CACNA1E: variants seen among roughly 807,000 people sequenced by gnomAD.
The protein encoded by CACNA1E is voltage-dependent R-type calcium channel subunit alpha-1E.
Under a neutral mutation model 259.2 loss-of-function variants are expected in CACNA1E, and 40 were observed. The observed-to-expected ratio is 0.15, with a 90% CI of 0.12 to 0.20. The LOEUF (loss-of-function observed/expected upper bound fraction) is 0.20, where lower values mean the gene tolerates loss of function less well. Among genes scored for constraint, CACNA1E ranks in the 10% least tolerant of loss-of-function variants. The pLI, the probability that CACNA1E is intolerant of heterozygous loss-of-function variation, is 1.00. For synonymous variants in CACNA1E, 1,104 were observed against 1,138.5 expected (o/e 0.97, Z 0.61); for missense variants, 1,874 against 3,040.1 (o/e 0.62, Z 9.02).
chr1:181,510,455 T>G (rs1216605346), intron 1 of CACNA1E, 22 bp from the exon 2 acceptor site: 1 of 1,566,526 alleles, frequency 6.4e-7, no homozygotes, highest in Non-Finnish European at 8.8e-7. Context: ...GGTGAATTTG[T>G]TCCTTAACTC....
At chr1:181,581,744 AG>A (rs1651567122) in intron 6 of CACNA1E, among the ~76,000 whole-genome samples, 1 of 152,190 alleles carries the variant, frequency 6.6e-6, no homozygotes, top group African/African-American at 2.4e-5. Context: ...CAGTTTGGGC[AG>A]GTGCTTTTGA....
intron 1 of CACNA1E, among the ~76,000 whole-genome samples, chr1:181,500,980 T>C (rs1665199330): frequency 6.6e-6 from 1 of 152,352 alleles, no homozygotes; most frequent in South Asian, 2.1e-4. Flanking sequence ...TTCCCTGAAA[T>C]GCACGTTGCT....
intron 3 of CACNA1E, among the ~76,000 whole-genome samples, chr1:181,521,237 C>T (rs987834277): frequency 1.3e-5 from 2 of 152,296 alleles, no homozygotes; most frequent in Non-Finnish European, 2.9e-5. Flanking sequence ...ATTTACATCA[C>T]TGTGGGGGTC....
intron 1 of CACNA1E, among the ~76,000 whole-genome samples, chr1:181,392,967 G>A (rs1035226799): frequency 1.3e-5 from 2 of 152,230 alleles, no homozygotes; most frequent in Non-Finnish European, 2.9e-5. Context: ...CTTCAGGGAG[G>A]TAAGAATGAG....
chr1:181,680,506 CTG>C (rs999035520), intron 7 of CACNA1E, among the ~76,000 whole-genome samples: 3 of 152,206 alleles, frequency 2.0e-5, no homozygotes, highest in African/African-American at 7.2e-5. Flanking sequence ...AAGTCAAGAA[CTG>C]TGTGTTCCAC....
chr1:181,570,836 C>G (rs1168591454), intron 3 of CACNA1E, among the ~76,000 whole-genome samples: 1 of 152,228 alleles, frequency 6.6e-6, no homozygotes, highest in East Asian at 1.9e-4. Flanking sequence ...GATCCTTAAT[C>G]CCATCTGCAA....
intron 2 of CACNA1E, among the ~76,000 whole-genome samples, chr1:181,432,219 A>G (rs1381646015): frequency 6.6e-6 from 1 of 152,302 alleles, no homozygotes; most frequent in East Asian, 1.9e-4. Context: ...GGTGGGATCT[A>G]GTTTAATTTT....
intron 2 of CACNA1E, among the ~76,000 whole-genome samples, chr1:181,473,099 T>C (rs867959190): frequency 3.9e-5 from 6 of 152,200 alleles, no homozygotes; most frequent in East Asian, 1.9e-4. Flanking sequence ...GTGCTACCCT[T>C]TGATTTGCTG....
chr1:181,677,572 C>T (rs985328416), intron 7 of CACNA1E, among the ~76,000 whole-genome samples: 3 of 152,142 alleles, frequency 2.0e-5, no homozygotes, highest in African/African-American at 7.2e-5. Context: ...TTCCTGATCA[C>T]CAAACACAGG....
chr1:181,430,190 C>T (rs553038775), intron 2 of CACNA1E, among the ~76,000 whole-genome samples: 111 of 152,292 alleles, frequency 7.3e-4, no homozygotes, highest in African/African-American at 1.9e-3. Context: ...TACCAATGCA[C>T]CACAATGTAG....
chr1:181,773,170 A>G (rs1417271775), intron 37 of CACNA1E, among the ~76,000 whole-genome samples: 1 of 152,220 alleles, frequency 6.6e-6, no homozygotes, highest in Non-Finnish European at 1.5e-5. Context: ...CTACCTTGCA[A>G]GTGATCCCAA....
chr1:181,448,560 C>T (rs967441997), intron 2 of CACNA1E, among the ~76,000 whole-genome samples: 1 of 152,172 alleles, frequency 6.6e-6, no homozygotes, highest in Non-Finnish European at 1.5e-5. Context: ...CCTCCAGGTT[C>T]GTTATAGTCT....
At chr1:181,747,182 C>T (rs757854001) in intron 25 of CACNA1E, among the ~76,000 whole-genome samples, 4 of 152,292 alleles carry the variant, frequency 2.6e-5, no homozygotes, top group East Asian at 3.9e-4. Context: ...AGCTATTCCC[C>T]GCTCATGGGG....
intron 7 of CACNA1E, among the ~76,000 whole-genome samples, chr1:181,674,223 CAAA>C (rs58198967): frequency 0.013 from 1,192 of 88,418 alleles, 19 homozygotes; most frequent in African/African-American, 0.043. Flanking sequence ...ACTAAAAATA[CAAA>C]AAAAAAAAAA....
chr1:181,755,116 T>C, intron 27 of CACNA1E, 121 bp from the exon 28 acceptor site: 2 of 707,410 alleles, frequency 2.8e-6, no homozygotes. Flanking sequence ...TAGCAGGAAA[T>C]TCTCTCCTGG....
intron 1 of CACNA1E, among the ~76,000 whole-genome samples, chr1:181,327,025 C>T (rs1308955438): frequency 6.6e-6 from 1 of 152,170 alleles, no homozygotes; most frequent in African/African-American, 2.4e-5. Flanking sequence ...CCCTTGGCAT[C>T]CCATGCTTAC....
rs59778354 is a variant in CACNA1E at position 181,724,183 on chromosome 1, C to T, written c.2075-287C>T. 0.11 allele frequency among the ~76,000 whole-genome samples: 16,680 copies of T among 152,200 alleles called. 984 individuals are homozygous for T. The highest frequency in any genetic ancestry group is 0.16 in the Admixed American group (2,488 of 15,290). On this transcript the variant is annotated intron_variant, in intron 16 of 47. Transcript: ENST00000367573. ...ACCAAATAATAATTTTTCACAGTAT[C>T]GTAATTTTCCTCACCCCATCTGGCC...
chr1:181,789,856 A>G (rs1661145747), intron 43 of CACNA1E, among the ~76,000 whole-genome samples: 1 of 152,158 alleles, frequency 6.6e-6, no homozygotes, highest in African/African-American at 2.4e-5. Flanking sequence ...CTCTTCCTAC[A>G]TTGCCATCAA....
At chr1:181,704,853 A>G (rs369421992) in intron 7 of CACNA1E, among the ~76,000 whole-genome samples, 87 of 152,252 alleles carry the variant, frequency 5.7e-4, no homozygotes, top group Middle Eastern at 6.8e-3. Flanking sequence ...CAGTCCTCCA[A>G]CCGAGGCTTT....
Sources: allele counts gnomAD v4.1 joint callset (sites outside exome capture counted in the v4.1 genomes callset), GRCh38; gene constraint gnomAD v4.1.1; transcripts MANE v1.5; gene names NCBI Gene and HGNC (gene_info 2026-07-23, HGNC 2026-07-21).